The following DLG2 variants were observed in gnomAD, a reference collection of about 807,000 sequenced individuals.
DLG2 encodes disks large homolog 2.
DLG2 carries 45 observed loss-of-function variants against 132.5 expected under a neutral mutation model. The observed-to-expected ratio is 0.34, with a 90% confidence interval of 0.27 to 0.44. DLG2 has a LOEUF of 0.44. DLG2 is among the 20% of genes least tolerant of loss of function. DLG2 has a pLI of 1.00. For synonymous variants in DLG2, 424 were observed against 419.6 expected (o/e 1.01, Z -0.13); for missense variants, 1,045 against 1,196.9 (o/e 0.87, Z 1.87).
chr11:84,875,692 G>C (rs978832466), intron 6 of DLG2, among the ~76,000 whole-genome samples: 2 of 152,096 alleles, frequency 1.3e-5, no homozygotes, highest in African/African-American at 4.8e-5. Flanking sequence ...GATCTAAAAA[G>C]AGGAGCAACT....
chr11:84,884,564 G>T (rs1199186936), intron 6 of DLG2, among the ~76,000 whole-genome samples: 2 of 152,072 alleles, frequency 1.3e-5, no homozygotes, highest in East Asian at 3.9e-4. Flanking sequence ...ATGTAACCTT[G>T]ATTGGACAAC....
intron 6 of DLG2, among the ~76,000 whole-genome samples, chr11:84,862,483 G>C (rs967624843): frequency 1.3e-5 from 2 of 152,066 alleles, no homozygotes; most frequent in Non-Finnish European, 1.5e-5. Flanking sequence ...TATACCCAAA[G>C]GATTATAAAT....
At chr11:85,462,049 C>A (rs576562369) in intron 3 of DLG2, among the ~76,000 whole-genome samples, 132 of 152,290 alleles carry the variant, frequency 8.7e-4, no homozygotes, top group African/African-American at 3.0e-3. Context: ...CACATGAAAA[C>A]ATGCTCATCA....
chr11:84,568,453 G>A (rs2099466616), intron 6 of DLG2, among the ~76,000 whole-genome samples: 1 of 152,224 alleles, frequency 6.6e-6, no homozygotes, highest in Non-Finnish European at 1.5e-5. Flanking sequence ...GTTGCAGTGA[G>A]CCAAGATCGT....
At chr11:84,923,956 T>C (rs973614736) in intron 6 of DLG2, among the ~76,000 whole-genome samples, 1 of 152,146 alleles carries the variant, frequency 6.6e-6, no homozygotes, top group East Asian at 1.9e-4. Context: ...TGAGATGGGG[T>C]TGAAATGGAG....
chr11:84,708,450 C>T (rs114881209), intron 6 of DLG2, among the ~76,000 whole-genome samples: 6 of 151,888 alleles, frequency 4.0e-5, no homozygotes, highest in East Asian at 2.0e-4. Flanking sequence ...TCTCTAAGAC[C>T]GTTTTTGAAA....
intron 6 of DLG2, among the ~76,000 whole-genome samples, chr11:84,832,373 A>T (rs1365961192): frequency 6.6e-6 from 1 of 151,718 alleles, no homozygotes; most frequent in African/African-American, 2.4e-5. Context: ...GGTAATAAAA[A>T]GAAATGCTTT....
chr11:84,199,590 A>G (rs2096565871), intron 8 of DLG2, among the ~76,000 whole-genome samples: 1 of 152,130 alleles, frequency 6.6e-6, no homozygotes, highest in South Asian at 2.1e-4. Context: ...GAATCTTGGC[A>G]GTAAACTGAA....
At chr11:84,584,703 T>G (rs2099525098) in intron 6 of DLG2, among the ~76,000 whole-genome samples, 1 of 108,240 alleles carries the variant, frequency 9.2e-6, no homozygotes, top group Non-Finnish European at 1.9e-5. Context: ...TTTTTTTTTT[T>G]TTTGAGACGG....
At chr11:85,037,290 G>A (rs978344942) in intron 6 of DLG2, among the ~76,000 whole-genome samples, 3 of 152,176 alleles carry the variant, frequency 2.0e-5, no homozygotes, top group African/African-American at 7.2e-5. Flanking sequence ...TAGTTAGGCA[G>A]ACTTGGATTT....
At chr11:84,524,355 T>C (rs535445034) in intron 7 of DLG2, among the ~76,000 whole-genome samples, 19 of 152,216 alleles carry the variant, frequency 1.2e-4, no homozygotes, top group Non-Finnish European at 2.6e-4. Context: ...TTATTGGGGG[T>C]ATGCTGTTTG....
chr11:83,816,079 G>A (rs1222670041), intron 17 of DLG2, among the ~76,000 whole-genome samples: 1 of 151,960 alleles, frequency 6.6e-6, no homozygotes, highest in Non-Finnish European at 1.5e-5. Context: ...AATATATCAT[G>A]TCCAGGAACC....
intron 3 of DLG2, among the ~76,000 whole-genome samples, chr11:85,338,856 C>G (rs965267919): frequency 1.3e-5 from 2 of 152,046 alleles, no homozygotes; most frequent in African/African-American, 4.8e-5. Context: ...AGGAGCCCAC[C>G]ACCGTGCCCG....
intron 6 of DLG2, among the ~76,000 whole-genome samples, chr11:84,783,734 G>C (rs1598042045): frequency 6.6e-6 from 1 of 152,218 alleles, no homozygotes; most frequent in Middle Eastern, 3.4e-3. Flanking sequence ...TAATGCAACT[G>C]ATCTAGAGTC....
At chr11:84,443,137 A>G (rs769274533) in intron 7 of DLG2, among the ~76,000 whole-genome samples, 2 of 152,050 alleles carry the variant, frequency 1.3e-5, no homozygotes, top group Non-Finnish European at 2.9e-5. Flanking sequence ...ATCAAAACTC[A>G]TTCTTCAACA....
At chr11:84,278,047 GTTTTTTTTTTT>G (rs55650627) in intron 7 of DLG2, among the ~76,000 whole-genome samples, 1 of 99,608 alleles carries the variant, frequency 1.0e-5, no homozygotes, top group Non-Finnish European at 2.0e-5. Flanking sequence ...GCCTGGCTAA[GTTTTTTTTTTT>G]TTTTTTTTTT....
At chr11:84,049,995 G>A (rs763216499) in intron 11 of DLG2, among the ~76,000 whole-genome samples, 17 of 151,728 alleles carry the variant, frequency 1.1e-4, no homozygotes, top group Admixed American at 2.0e-4. Flanking sequence ...TATGGCATAT[G>A]TTTAAGAAAT....
At chr11:84,124,919 T>G (rs1036702510) in intron 9 of DLG2, among the ~76,000 whole-genome samples, 3 of 151,226 alleles carry the variant, frequency 2.0e-5, no homozygotes, top group South Asian at 2.1e-4. Flanking sequence ...GGCGTGATCT[T>G]GGCTTACCGC....
intron 4 of DLG2, among the ~76,000 whole-genome samples, chr11:85,229,431 C>G (rs1011628311): frequency 1.3e-5 from 2 of 151,962 alleles, no homozygotes; most frequent in Admixed American, 6.6e-5. Context: ...AAATCAAAAC[C>G]ACAATGAGAC....
Sources: gnomAD v4.1 joint callset for allele counts (sites outside exome capture counted in the v4.1 genomes callset) on GRCh38, gnomAD v4.1.1 for gene constraint, MANE v1.5 for transcripts, NCBI Gene and HGNC (gene_info 2026-07-23, HGNC 2026-07-21) for gene names.